NWD1: variants seen among roughly 807,000 people sequenced by gnomAD.
The protein encoded by NWD1 is NACHT domain- and WD repeat-containing protein 1.
In NWD1, 129 loss-of-function variants were observed where a neutral mutation model predicts 135.1. The observed-to-expected ratio is 0.96, with a 90% CI of 0.83 to 1.11. The LOEUF (loss-of-function observed/expected upper bound fraction) is 1.11. Ranked by LOEUF, NWD1 falls within the 50% of genes least tolerant of loss-of-function variation. NWD1 has a pLI of 0.00. For missense variants in NWD1, 1,740 were observed against 1,851.3 expected (o/e 0.94, Z 1.10); for synonymous variants, 773 against 786.0 (o/e 0.98, Z 0.28).
intron 9 of NWD1, among the ~76,000 whole-genome samples, chr19:16,764,529 T>TTCTA (rs369427420): frequency 6.6e-6 from 1 of 151,792 alleles, no homozygotes; most frequent in Non-Finnish European, 1.5e-5. Context: ...CCATCCATCA[T>TTCTA]TCTATCTATC....
rs534873265 is a variant in NWD1 at position 16,738,662 on chromosome 19, C to T, written c.198+1912C>T. Among the ~76,000 whole-genome samples, 5 of 145,128 alleles carry T rather than the reference C, an allele frequency of 3.4e-5. No individual in the cohort carries two copies. The East Asian group carries it at 5.9e-4, about 17-fold the overall frequency. On this transcript the variant is annotated intron_variant, in intron 4 of 18. Transcript: ENST00000524140. ...GACCTAAAGTGTCCCAACATTATAA[C>T]GAAAGACTGTAACAAGGGCTTTGGG...
rs188556791 is a variant in NWD1 at position 16,747,769 on chromosome 19, C to G, written c.497-1370C>G. Among the ~76,000 whole-genome samples, 104 of 152,284 alleles carry G rather than the reference C, an allele frequency of 6.8e-4. 2 individuals carry two copies. The highest frequency in any genetic ancestry group is 2.3e-3 in the African/African-American group (95 of 41,578). On this transcript the variant is annotated intron_variant, in intron 5 of 18. Coordinates refer to ENST00000524140, the MANE Select transcript of NWD1 (RefSeq NM_001007525.5). ...GCAACCATCAATCTGCTTTCTGTCT[C>G]TATTAATTTGCCTGTTCTGGACATT...
intron 15 of NWD1, among the ~76,000 whole-genome samples, chr19:16,796,750 A>G (rs1036876976): frequency 4.0e-5 from 6 of 149,688 alleles, no homozygotes; most frequent in Non-Finnish European, 7.4e-5. Flanking sequence ...CCTTCCTTCC[A>G]TCATAGTTAT....
chr19:16,731,078 C>T, intron 2 of NWD1, 114 bp from the exon 3 acceptor site: 1 of 598,340 alleles, frequency 1.7e-6, no homozygotes. Flanking sequence ...ATCCCATTCT[C>T]CACAAAAAAG....
At position 16,731,189 on chromosome 19, in the gene NWD1, C is replaced by A; in HGVS notation, c.-6-3C>A. On this transcript the variant is annotated splice_region_variant and splice_polypyrimidine_tract_variant and intron_variant, in intron 2 of 18. Transcript: ENST00000524140. ...CTAATACCCTCCATGCCCTTCCTTG[C>A]AGATATGGATGCAGAGAGGGAAGCC... 6.6e-7 allele frequency: 1 copy of A among 1,510,026 alleles called. No homozygotes were observed. The highest frequency in any genetic ancestry group is 2.5e-5 in the East Asian group (1 of 40,810). 93.5% of individuals were successfully genotyped at this position (1,510,026 alleles called of 1,614,324 possible).
intron 1 of NWD1, among the ~76,000 whole-genome samples, chr19:16,722,159 A>T (rs1967161656): frequency 6.6e-6 from 1 of 151,764 alleles, no homozygotes; most frequent in East Asian, 2.0e-4. Flanking sequence ...CTAGCTAGGC[A>T]TGGTGGTGTG....
chr19:16,760,313 A>G (rs1968962672), intron 7 of NWD1, among the ~76,000 whole-genome samples: 1 of 149,260 alleles, frequency 6.7e-6, no homozygotes, highest in Non-Finnish European at 1.5e-5. Flanking sequence ...GCTGCAGTAC[A>G]GTGGTTGTCA....
intron 2 of NWD1, among the ~76,000 whole-genome samples, chr19:16,728,311 G>A (rs920098578): frequency 4.1e-4 from 56 of 136,880 alleles, no homozygotes; most frequent in Admixed American, 6.8e-4. Flanking sequence ...CTGAGATGGA[G>A]TCTCACTCTG....
chr19:16,769,682 C>A (rs1284964006), intron 10 of NWD1, among the ~76,000 whole-genome samples: 1 of 152,130 alleles, frequency 6.6e-6, no homozygotes, highest in South Asian at 2.1e-4. Flanking sequence ...TCGCCTCCCC[C>A]AGCCCTTCTG....
chr19:16,729,577 T>TAAAAAAAAAAAAAAAAAAAAAA (rs537329853), intron 2 of NWD1, among the ~76,000 whole-genome samples: 1 of 125,044 alleles, frequency 8.0e-6, no homozygotes, highest in Admixed American at 8.1e-5. Flanking sequence ...TTACAAAAAG[T>TAAAAAAAAAAAAAAAAAAAAAA]AAAAAAAAAA....
intron 4 of NWD1, among the ~76,000 whole-genome samples, chr19:16,740,524 G>T (rs1189968709): frequency 2.0e-5 from 3 of 151,714 alleles, no homozygotes; most frequent in Non-Finnish European, 2.9e-5. Flanking sequence ...TTTTAGTAGA[G>T]ACAGGGTTTC....
intron 12 of NWD1, among the ~76,000 whole-genome samples, chr19:16,783,845 A>AT (rs1255299890): frequency 5.3e-5 from 8 of 152,130 alleles, no homozygotes; most frequent in African/African-American, 1.7e-4. Context: ...CCCCCAAACA[A>AT]TGCAGTATAA....
At chr19:16,721,050 A>AT (rs761386610) in intron 1 of NWD1, among the ~76,000 whole-genome samples, 6 of 151,856 alleles carry the variant, frequency 4.0e-5, no homozygotes, top group Non-Finnish European at 5.9e-5. Context: ...GGGTTTCGCC[A>AT]TGTTGGCCAG....
intron 18 of NWD1, 28 bp from the exon 19 acceptor site, chr19:16,815,000 A>T (rs1375577086): frequency 1.9e-6 from 3 of 1,603,352 alleles, no homozygotes; most frequent in Admixed American, 1.7e-5. Flanking sequence ...CATTTTTCTC[A>T]TTTGTGTCCT....
At chr19:16,793,326 C>T (rs190062475) in intron 14 of NWD1, among the ~76,000 whole-genome samples, 12 of 152,036 alleles carry the variant, frequency 7.9e-5, no homozygotes, top group African/African-American at 1.7e-4. Flanking sequence ...CTCGACCTCC[C>T]GGGCTCAAGA....
intron 17 of NWD1, among the ~76,000 whole-genome samples, chr19:16,806,511 G>A (rs1970749345): frequency 6.6e-6 from 1 of 152,092 alleles, no homozygotes; most frequent in African/African-American, 2.4e-5. Flanking sequence ...TTTGAGCCCT[G>A]GAGTTCAAGA....
chr19:16,795,756 A>C (rs1361020268), intron 15 of NWD1, among the ~76,000 whole-genome samples: 1 of 151,980 alleles, frequency 6.6e-6, no homozygotes, highest in Non-Finnish European at 1.5e-5. Flanking sequence ...AACCCAATGG[A>C]TGGTGGCATG....
chr19:16,788,305 C>T (rs1183545358), intron 12 of NWD1, among the ~76,000 whole-genome samples: 2 of 148,092 alleles, frequency 1.4e-5, no homozygotes, highest in African/African-American at 4.9e-5. Flanking sequence ...CATGGTGGCT[C>T]ATGCCTGTAA....
rs192792193 is a variant in NWD1 at position 16,786,027 on chromosome 19, G to A, written c.2732-2955G>A. ...TTACAGGCGCCTGCCACCACACCCA[G>A]CTAATTTTTGTATTTTTAGTAGAAA... On this transcript the variant is annotated intron_variant, in intron 12 of 18. Transcript: ENST00000524140. 4.7e-4 allele frequency among the ~76,000 whole-genome samples: 72 copies of A among 151,856 alleles called. 1 individual carries two copies. The highest frequency in any genetic ancestry group is 1.7e-3 in the African/African-American group (70 of 41,424).
Sources: allele counts gnomAD v4.1 joint callset (sites outside exome capture counted in the v4.1 genomes callset), GRCh38; gene constraint gnomAD v4.1.1; transcripts MANE v1.5; gene names NCBI Gene and HGNC (gene_info 2026-07-23, HGNC 2026-07-21).